ZC3H14: variants seen among roughly 807,000 people sequenced by gnomAD.
The protein encoded by ZC3H14 is zinc finger CCCH-type containing 14.
In ZC3H14, 31 loss-of-function variants were observed where a neutral mutation model predicts 92.4. That is an observed-to-expected ratio of 0.34 (90% CI 0.25 to 0.45). The LOEUF (loss-of-function observed/expected upper bound fraction) is 0.45, where lower values mean the gene tolerates loss of function less well. ZC3H14 is among the 20% of genes least tolerant of loss of function. The pLI is 1.00. For synonymous variants in ZC3H14, 321 were observed against 300.9 expected, an observed-to-expected ratio of 1.07 and a Z score of -0.69; for missense variants, 781 against 897.3, an observed-to-expected ratio of 0.87 and a Z score of 1.66.
chr14:88,563,768 T>C (rs1027316117), intron 2 of ZC3H14, 75 bp downstream of exon 2: 11 of 1,399,240 alleles, frequency 7.9e-6, no homozygotes, highest in African/African-American at 5.7e-5. Flanking sequence ...AATGCGTATT[T>C]CTCACCGTAC....
chr14:88,597,710 C>A (rs1032139666), intron 10 of ZC3H14, among the ~76,000 whole-genome samples: 1 of 152,166 alleles, frequency 6.6e-6, no homozygotes, highest in South Asian at 2.1e-4. Flanking sequence ...CATTCTCTGC[C>A]CGTGATTTTG....
At chr14:88,571,994 A>C in intron 4 of ZC3H14, 36 bp from the exon 5 acceptor site, 6 of 1,466,532 alleles carry the variant, frequency 4.1e-6, no homozygotes, top group Non-Finnish European at 5.5e-6. Context: ...AATAAGAAAT[A>C]AAAATAGATT....
chr14:88,615,845 G>A lies in ZC3H14; in HGVS notation c.*4094G>A, dbSNP rs1280701513. 3 of 1,611,658 alleles carry A rather than the reference G, an allele frequency of 1.9e-6. No individual in the cohort carries two copies. Among genetic ancestry groups the A allele is most frequent in the Non-Finnish European group, 2.5e-6 (3 of 1,178,950 alleles). ...AGTGAGGTGTATGTACACATTTCCAGACAAATAAGCTGCAATCAGAGAAGA... is the reference window on the plus strand; with the variant it reads ...AGTGAGGTGTATGTACACATTTCCAAACAAATAAGCTGCAATCAGAGAAGA... On this transcript the variant is annotated 3_prime_UTR_variant, in exon 17 of 17. Transcript: ENST00000251038.
intron 7 of ZC3H14, among the ~76,000 whole-genome samples, chr14:88,575,273 A>G (rs2081014172): frequency 6.6e-6 from 1 of 152,144 alleles, no homozygotes. Context: ...AGACTTTTCC[A>G]TTGGGTTTTG....
At chr14:88,573,128 C>T in intron 6 of ZC3H14, 121 bp downstream of exon 6, 1 of 1,196,610 alleles carries the variant, frequency 8.4e-7, no homozygotes, top group Non-Finnish European at 1.2e-6. Flanking sequence ...CACCTGTAAT[C>T]CCAGGACTTT....
chr14:88,574,636 G>C (rs2080927939), intron 6 of ZC3H14, 57 bp from the exon 7 acceptor site: 13 of 1,594,096 alleles, frequency 8.2e-6, no homozygotes, highest in Non-Finnish European at 1.0e-5. Context: ...AACATTTTGT[G>C]GTAGAACTCT....
At chr14:88,602,176 C>G (rs2084740245) in intron 11 of ZC3H14, 93 bp downstream of exon 11, 1 of 1,561,604 alleles carries the variant, frequency 6.4e-7, no homozygotes, top group Non-Finnish European at 8.8e-7. Flanking sequence ...CCCGCCCTAA[C>G]CGCTAGCGTA....
chr14:88,565,384 G>A (rs1029046100), intron 2 of ZC3H14, among the ~76,000 whole-genome samples: 44 of 151,922 alleles, frequency 2.9e-4, no homozygotes, highest in South Asian at 8.3e-4. Context: ...CTTGTGATTC[G>A]CGTGCCTCAG....
At chr14:88,585,217 T>A (rs1007003164) in intron 9 of ZC3H14, among the ~76,000 whole-genome samples, 3 of 152,188 alleles carry the variant, frequency 2.0e-5, no homozygotes, top group African/African-American at 7.2e-5. Flanking sequence ...CAATTACTGG[T>A]ATAGTTGGAT....
chr14:88,572,485 T>TC, intron 5 of ZC3H14, 93 bp from the exon 6 acceptor site: 1 of 1,511,572 alleles, frequency 6.6e-7, no homozygotes, highest in Non-Finnish European at 9.1e-7. Context: ...TCCTCAGTTT[T>TC]TTCATTGAAA....
At chr14:88,570,963 T>C in intron 3 of ZC3H14, 121 bp from the exon 4 acceptor site, 1 of 768,794 alleles carries the variant, frequency 1.3e-6, no homozygotes, top group Non-Finnish European at 1.8e-6. Flanking sequence ...TTAAAAATAA[T>C]AAAAATATAA....
At chr14:88,596,829 T>C (rs1453533836) in intron 10 of ZC3H14, 21 bp downstream of exon 10, 2 of 1,604,910 alleles carry the variant, frequency 1.2e-6, no homozygotes, top group East Asian at 2.2e-5. Flanking sequence ...TTTCAAGTTG[T>C]ACTGTAATCC....
At chr14:88,579,993 C>T (rs2081684193) in intron 9 of ZC3H14, among the ~76,000 whole-genome samples, 1 of 152,208 alleles carries the variant, frequency 6.6e-6, no homozygotes, top group African/African-American at 2.4e-5. Flanking sequence ...AGGAGGATCA[C>T]TTGAGACTAG....
In ZC3H14 at chr14:88,578,156, A is replaced by T. The variant is rs746277987; in HGVS notation, c.1279+16A>T. 1 of 1,613,568 alleles carries T rather than the reference A, an allele frequency of 6.2e-7. No individual in the cohort carries two copies. On this transcript the variant is annotated intron_variant, in intron 9 of 16. Coordinates refer to ENST00000251038, the MANE Select transcript of ZC3H14 (RefSeq NM_024824.5). ...AAAAATCAAGGTAATAACTTAAATG[A>T]TGTTTCACTCTTTACTACAGTTTTT...
rs1470776376 is a variant in ZC3H14, at chr14:88,623,080, A to T, written c.*11329A>T. The T allele has an allele frequency of 2.6e-5, 4 of 151,678 alleles. No homozygotes were observed. The highest frequency in any genetic ancestry group is 5.7e-5 in the Non-Finnish European group (4 of 70,484). The allele number at this position is 151,678 out of a possible 1,614,324, so 9.4% of individuals were successfully genotyped here. On this transcript the variant is annotated 3_prime_UTR_variant, in exon 17 of 17. Coordinates refer to ENST00000251038, the MANE Select transcript of ZC3H14 (RefSeq NM_024824.5). Reference sequence around the variant, plus strand: ...TCCCAGGCTTGAGTGCAGTGGCATGATCTAGGCTTATTGCAACCTCTGCCT... The same window carrying T: ...TCCCAGGCTTGAGTGCAGTGGCATGTTCTAGGCTTATTGCAACCTCTGCCT...
chr14:88,568,850 G>A (rs929592461), intron 3 of ZC3H14, among the ~76,000 whole-genome samples: 12 of 152,088 alleles, frequency 7.9e-5, no homozygotes, highest in Admixed American at 1.3e-4. Flanking sequence ...CTTAGTATAT[G>A]TCGGCTATAC....
Position 88,616,368 on chromosome 14 carries a change from G to T in ZC3H14, c.*4617G>T. On this transcript the variant is annotated 3_prime_UTR_variant, in exon 17 of 17. Transcript: ENST00000251038. ...GTAGGGAGTTAGCACCGCAGCCAGT[G>T]ATTAGAATGCTTTTCAGCATGAGTA... 2.2e-6 allele frequency: 2 copies of T among 905,186 alleles called. No individual in the cohort carries two copies. Among genetic ancestry groups the T allele is most frequent in the Non-Finnish European group, 3.5e-6 (2 of 574,948 alleles). 56.1% of individuals were successfully genotyped at this position (905,186 alleles called of 1,614,324 possible). A position where few individuals can be genotyped will look rare whatever the true frequency, so the allele number is the denominator to read the frequency against.
At chr14:88,582,401 G>A (rs187700437) in intron 9 of ZC3H14, among the ~76,000 whole-genome samples, 165 of 152,304 alleles carry the variant, frequency 1.1e-3, no homozygotes, top group Middle Eastern at 0.01. Context: ...GACACTGTGG[G>A]TTGAATAGCC....
At position 88,627,429 on chromosome 14, in the gene ZC3H14, A is replaced by T; in HGVS notation, c.*15678A>T. On this transcript the variant is annotated 3_prime_UTR_variant, in exon 17 of 17. Coordinates refer to ENST00000251038, the MANE Select transcript of ZC3H14 (RefSeq NM_024824.5). ...TAGCAGTGAATCATTTATAATGCTA[A>T]TAATGGTTTCATTAATTTATCTGTT... is the stretch of plus-strand genomic sequence containing the variant. 1.9e-6 allele frequency: 1 copy of T among 521,046 alleles called. No individual in the cohort carries two copies. Among genetic ancestry groups the T allele is most frequent in the Non-Finnish European group, 3.3e-6 (1 of 299,806 alleles). The allele number at this position is 521,046 out of a possible 1,614,324, so 32.3% of individuals were successfully genotyped here. A position where few individuals can be genotyped will look rare whatever the true frequency, so the allele number is the denominator to read the frequency against.
Sources: gnomAD v4.1 joint callset for allele counts (sites outside exome capture counted in the v4.1 genomes callset) on GRCh38, gnomAD v4.1.1 for gene constraint, MANE v1.5 for transcripts, NCBI Gene and HGNC (gene_info 2026-07-23, HGNC 2026-07-21) for gene names.